The following SGMS1 variants were observed in gnomAD, a reference collection of about 807,000 sequenced individuals.
The protein encoded by SGMS1 is sphingomyelin synthase 1.
In SGMS1, 13 loss-of-function variants were observed where a neutral mutation model predicts 46.2. That is an observed-to-expected ratio of 0.28 (90% CI 0.18 to 0.45). The LOEUF (loss-of-function observed/expected upper bound fraction) is 0.45. Ranked by LOEUF, SGMS1 falls within the 20% of genes least tolerant of loss-of-function variation. The probability of loss-of-function intolerance (pLI) is 1.00; values close to 1 mark genes in which losing one functional copy is unlikely to be tolerated. For synonymous variants in SGMS1, 203 were observed against 187.8 expected (o/e 1.08, Z -0.66); for missense variants, 324 against 519.9 (o/e 0.62, Z 3.66).
rs149374128 is a variant in SGMS1 at position 50,343,973 on chromosome 10, G to T, written c.142C>A (p.Pro48Thr). Residue 48 changes from proline (P) to threonine (T), a missense_variant, in exon 7 of 11, where the codon CCC (proline) becomes ACC (threonine). Physicochemically the swap from Pro to Thr is conservative, Grantham distance 38. Transcript: ENST00000361781. Reference protein sequence around the residue: ...NLTQEDFKKPPLCRVSSDNGQ... With the variant: ...NLTQEDFKKPTLCRVSSDNGQ... Reference sequence around the variant, plus strand: ...TTGTCAGAGGAGACTCGGCACAAGGGGGGTTTTTTGAAATCCTCTTGGGTT... The same window carrying T: ...TTGTCAGAGGAGACTCGGCACAAGGTGGGTTTTTTGAAATCCTCTTGGGTT... The T allele has an allele frequency of 3.1e-6, 5 of 1,614,146 alleles. No homozygotes were observed. Among genetic ancestry groups the T allele is most frequent in the Non-Finnish European group, 4.2e-6 (5 of 1,180,014 alleles).
intron 2 of SGMS1, among the ~76,000 whole-genome samples, chr10:50,532,840 T>G (rs1277439827): frequency 6.6e-6 from 1 of 152,238 alleles, no homozygotes; most frequent in African/African-American, 2.4e-5. Flanking sequence ...TTTCTGTGAC[T>G]GCAGAATAGA....
chr10:50,475,914 C>T (rs1353753090), intron 3 of SGMS1, among the ~76,000 whole-genome samples: 5 of 151,836 alleles, frequency 3.3e-5, no homozygotes, highest in African/African-American at 1.2e-4. Flanking sequence ...ATAAATTACT[C>T]AGTCTCAGGT....
chr10:50,367,166 T>C (rs895776797), intron 6 of SGMS1, among the ~76,000 whole-genome samples: 2 of 152,208 alleles, frequency 1.3e-5, no homozygotes, highest in East Asian at 3.8e-4. Context: ...GGGTAACCAA[T>C]GGTTTTCCAT....
chr10:50,449,191 A>G (rs891675228), intron 5 of SGMS1, among the ~76,000 whole-genome samples: 21 of 152,230 alleles, frequency 1.4e-4, no homozygotes, highest in African/African-American at 4.3e-4. Context: ...AATAATTTTG[A>G]GGTTCCGTTA....
intron 8 of SGMS1, among the ~76,000 whole-genome samples, chr10:50,313,677 C>T (rs1435860564): frequency 1.3e-5 from 2 of 152,176 alleles, no homozygotes; most frequent in African/African-American, 4.8e-5. Flanking sequence ...TTTCATAATG[C>T]TTTTCTAAAA....
At position 50,339,865 on chromosome 10, in the gene SGMS1, T is replaced by C. The variant is rs114804567; in HGVS notation, c.623+3627A>G. 3.1e-3 allele frequency among the ~76,000 whole-genome samples: 472 copies of C among 152,256 alleles called. 2 individuals are homozygous for C. The highest frequency in any genetic ancestry group is 0.011 in the African/African-American group (451 of 41,540). ...GAGGAAAACTGTGGAGTGGAGTAGC[T>C]AGAGATAAGGCAGGAGAGACTGGGA... is the stretch of plus-strand genomic sequence containing the variant. On this transcript the variant is annotated intron_variant, in intron 7 of 10. Coordinates refer to ENST00000361781, the MANE Select transcript of SGMS1 (RefSeq NM_147156.4).
At position 50,582,100 on chromosome 10, in the gene SGMS1, G is replaced by A. The variant is rs561717180; in HGVS notation, c.-589+8053C>T. On this transcript the variant is annotated intron_variant, in intron 2 of 10. Coordinates refer to ENST00000361781, the MANE Select transcript of SGMS1 (RefSeq NM_147156.4). The stretch of plus-strand genomic sequence containing the variant: ...AAGCACTATTTTTCCTCAAAAGCAC[G>A]GCAGAGAGCACCAAAATTGTGTTTT... Among the ~76,000 whole-genome samples the A allele has an allele frequency of 4.6e-5, 7 of 152,272 alleles. 1 individual carries two copies. In the South Asian group the frequency reaches 1.0e-3, roughly 23 times the overall value.
intron 6 of SGMS1, among the ~76,000 whole-genome samples, chr10:50,405,360 AC>A (rs1399930349): frequency 7.2e-5 from 11 of 152,214 alleles, no homozygotes; most frequent in African/African-American, 2.7e-4. Flanking sequence ...AAAATAAGAG[AC>A]AAAGTAGAGA....
chr10:50,477,561 G>C (rs544859398), intron 3 of SGMS1, among the ~76,000 whole-genome samples: 1 of 152,178 alleles, frequency 6.6e-6, no homozygotes, highest in Non-Finnish European at 1.5e-5. Context: ...CATGAGATTC[G>C]GGAGGAGCCA....
intron 6 of SGMS1, among the ~76,000 whole-genome samples, chr10:50,388,778 C>T (rs928158159): frequency 1.3e-5 from 2 of 152,086 alleles, no homozygotes; most frequent in African/African-American, 2.4e-5. Flanking sequence ...TAACCTACTA[C>T]ATAAAACAAT....
intron 1 of SGMS1, among the ~76,000 whole-genome samples, chr10:50,610,249 T>C (rs1197063609): frequency 2.0e-5 from 3 of 152,192 alleles, no homozygotes; most frequent in African/African-American, 7.2e-5. Context: ...TCACTTCCCA[T>C]TAGTTCCTCT....
In SGMS1 at chr10:50,494,031, T is replaced by G. The variant is rs1837589335; in HGVS notation, c.-498+25800A>C. ...CCAGGCTGGTCTCAAACTCCTGGCC[T>G]CGTGATCCACCCGCCTTGGCCTCCC... On this transcript the variant is annotated intron_variant, in intron 3 of 10. Transcript: ENST00000361781. Among the ~76,000 whole-genome samples, 4 of 152,234 alleles carry G rather than the reference T, an allele frequency of 2.6e-5. No homozygotes were observed. The South Asian group carries it at 8.3e-4, about 32-fold the overall frequency.
chr10:50,388,103 G>C (rs1848708363), intron 6 of SGMS1, among the ~76,000 whole-genome samples: 1 of 152,166 alleles, frequency 6.6e-6, no homozygotes, highest in African/African-American at 2.4e-5. Flanking sequence ...TTGTGTAAGA[G>C]AGGGAAGGAA....
intron 3 of SGMS1, among the ~76,000 whole-genome samples, chr10:50,477,350 G>C (rs1406618961): frequency 6.6e-6 from 1 of 152,230 alleles, no homozygotes; most frequent in Non-Finnish European, 1.5e-5. Context: ...TTTTGGAATG[G>C]GGGCATATAC....
chr10:50,576,579 A>G (rs1838387226), intron 2 of SGMS1, among the ~76,000 whole-genome samples: 1 of 152,240 alleles, frequency 6.6e-6, no homozygotes. Context: ...TTTTTCCCAT[A>G]GAAAAGCTGG....
chr10:50,345,419 G>A (rs1847899906), intron 6 of SGMS1, among the ~76,000 whole-genome samples: 1 of 152,128 alleles, frequency 6.6e-6, no homozygotes, highest in Non-Finnish European at 1.5e-5. Flanking sequence ...TACAAGTTAA[G>A]TTTCTGAGTT....
chr10:50,367,445 T>C (rs1051961176), intron 6 of SGMS1, among the ~76,000 whole-genome samples: 2 of 152,234 alleles, frequency 1.3e-5, no homozygotes, highest in African/African-American at 4.8e-5. Context: ...GGCGCTTAAA[T>C]GTATATCCTT....
chr10:50,410,119 G>A (rs1006924899), intron 6 of SGMS1, among the ~76,000 whole-genome samples: 8 of 152,192 alleles, frequency 5.3e-5, no homozygotes, highest in Admixed American at 1.3e-4. Flanking sequence ...TCTTTTACTC[G>A]TTTACATGAG....
chr10:50,546,791 C>T (rs1372521313), intron 2 of SGMS1, among the ~76,000 whole-genome samples: 6 of 151,992 alleles, frequency 3.9e-5, no homozygotes, highest in Non-Finnish European at 7.4e-5. Context: ...TTAATGGGTG[C>T]AGCACACCAA....
Sources: gnomAD v4.1 joint callset for allele counts (sites outside exome capture counted in the v4.1 genomes callset) on GRCh38, gnomAD v4.1.1 for gene constraint, MANE v1.5 for transcripts, NCBI Gene and HGNC (gene_info 2026-07-23, HGNC 2026-07-21) for gene names.